The following WDR47 variants were observed in gnomAD, a reference collection of about 807,000 sequenced individuals.
The protein encoded by WDR47 is WD repeat-containing protein 47.
Under a neutral mutation model 97.2 loss-of-function variants are expected in WDR47, and 32 were observed. That is an observed-to-expected ratio of 0.33 (90% CI 0.25 to 0.44). The LOEUF is 0.44. Among genes scored for constraint, WDR47 ranks in the 20% least tolerant of loss-of-function variants. The probability of loss-of-function intolerance (pLI) is 1.00; values close to 1 mark genes in which losing one functional copy is unlikely to be tolerated. For missense variants in WDR47, 782 were observed against 1,102.3 expected, an observed-to-expected ratio of 0.71 and a Z score of 4.11; for synonymous variants, 375 against 373.5, an observed-to-expected ratio of 1.00 and a Z score of -0.05.
At chr1:109,023,579 ACTGCCTGG>A (rs1662001323) in intron 1 of WDR47, 58 bp from the exon 2 acceptor site, 2 of 1,532,420 alleles carry the variant, frequency 1.3e-6, no homozygotes, top group African/African-American at 2.7e-5. Flanking sequence ...TCTAAGTTTA[ACTGCCTGG>A]CAACTACACA....
rs758106899 is a variant in WDR47 at position 109,023,304 on chromosome 1, T to C, written c.158+51A>G. ...ATTATATATATTACCTTATTAATAC[T>C]TAACATTTCTTCGAAGGAGCTACAA... On this transcript the variant is annotated intron_variant, in intron 2 of 14. Coordinates refer to ENST00000369962, the MANE Select transcript of WDR47 (RefSeq NM_001142551.2). 1.9e-6 allele frequency: 3 copies of C among 1,571,552 alleles called. No homozygotes were observed. The South Asian group carries it at 3.5e-5, about 18-fold the overall frequency.
intron 1 of WDR47, among the ~76,000 whole-genome samples, chr1:109,026,050 C>CTTT (rs557580439): frequency 1.4e-5 from 2 of 145,080 alleles, no homozygotes; most frequent in East Asian, 2.0e-4. Flanking sequence ...TCACTAAATT[C>CTTT]TTTTTTTTTT....
At chr1:109,008,735 G>A (rs1328764771) in intron 5 of WDR47, among the ~76,000 whole-genome samples, 1 of 152,016 alleles carries the variant, frequency 6.6e-6, no homozygotes, top group Non-Finnish European at 1.5e-5. Context: ...AGCCTCCTGA[G>A]TAGCTGGGAC....
At chr1:109,011,785 A>G (rs899995566) in intron 4 of WDR47, 67 bp from the exon 5 acceptor site, 41 of 1,383,920 alleles carry the variant, frequency 3.0e-5, no homozygotes, top group African/African-American at 8.7e-5. Context: ...TGAAAACGAC[A>G]AGAGTACAAA....
chr1:109,036,572 C>T (rs1321689540), intron 1 of WDR47, among the ~76,000 whole-genome samples: 1 of 146,520 alleles, frequency 6.8e-6, no homozygotes, highest in African/African-American at 2.5e-5. Flanking sequence ...CGCGGTGGCT[C>T]ACACCTGTAA....
At chr1:109,009,925 G>A (rs1211312671) in intron 5 of WDR47, among the ~76,000 whole-genome samples, 1 of 151,926 alleles carries the variant, frequency 6.6e-6, no homozygotes, top group Non-Finnish European at 1.5e-5. Context: ...TTGAACCCGG[G>A]AGACGGAGGT....
intron 1 of WDR47, among the ~76,000 whole-genome samples, chr1:109,028,362 GTTTTTTT>G (rs372929187): frequency 8.8e-5 from 7 of 79,788 alleles, no homozygotes; most frequent in East Asian, 4.4e-4. Flanking sequence ...TTTTTGTTGG[GTTTTTTT>G]TTTTTTTTTT....
At chr1:109,022,463 A>G (rs771634611) in intron 2 of WDR47, among the ~76,000 whole-genome samples, 2 of 152,200 alleles carry the variant, frequency 1.3e-5, no homozygotes, top group Non-Finnish European at 2.9e-5. Context: ...TCTTAGTCAA[A>G]TATCTTTTAT....
intron 12 of WDR47, 131 bp downstream of exon 12, chr1:108,982,478 G>T (rs186804427): frequency 2.9e-5 from 31 of 1,084,100 alleles, no homozygotes; most frequent in East Asian, 2.6e-4. Flanking sequence ...GCCGCAGTGA[G>T]CTGTGATTGT....
chr1:109,018,535 C>T (rs185977282), intron 2 of WDR47, among the ~76,000 whole-genome samples: 2 of 152,058 alleles, frequency 1.3e-5, no homozygotes, highest in Admixed American at 1.3e-4. Context: ...GAACAAGTGG[C>T]TGGGCGCAGT....
rs1368425396 is a variant in WDR47 at position 109,032,037 on chromosome 1, A to G, written c.-9-8516T>C. Among the ~76,000 whole-genome samples the G allele has an allele frequency of 1.5e-5, 2 of 137,686 alleles. 1 individual carries two copies. Among genetic ancestry groups the G allele is most frequent in the Non-Finnish European group, 3.2e-5 (2 of 62,264 alleles). The allele number at this position is 137,686 out of a possible 152,430, so 90.3% of individuals were successfully genotyped here. A position where few individuals can be genotyped will look rare whatever the true frequency, so the allele number is the denominator to read the frequency against. On this transcript the variant is annotated intron_variant, in intron 1 of 14. Transcript: ENST00000369962. ...CTGGTCTCCCACTCCTAGGCTACAGATATCTGCCAGCCTCAGCCTCCTAAA... is the reference window on the plus strand; with the variant it reads ...CTGGTCTCCCACTCCTAGGCTACAGGTATCTGCCAGCCTCAGCCTCCTAAA...
At chr1:108,977,161 CT>C (rs889810199) in intron 13 of WDR47, among the ~76,000 whole-genome samples, 1 of 151,318 alleles carries the variant, frequency 6.6e-6, no homozygotes, top group Admixed American at 6.6e-5. Context: ...GGGTTTTTTT[CT>C]TTTTTTTGAG....
At chr1:109,005,205 C>G (rs1027093665) in intron 5 of WDR47, among the ~76,000 whole-genome samples, 1 of 151,756 alleles carries the variant, frequency 6.6e-6, no homozygotes, top group African/African-American at 2.4e-5. Context: ...AGTTCAAGAC[C>G]AACCTGGGTA....
chr1:108,997,528 G>A lies in WDR47; in HGVS notation c.1434-1691C>T, dbSNP rs1007097356. On this transcript the variant is annotated intron_variant, in intron 7 of 14. Coordinates refer to ENST00000369962, the MANE Select transcript of WDR47 (RefSeq NM_001142551.2). Reference sequence around the variant, plus strand: ...TCCCAGCACTTTGGGAGACCGAGGCGGGCGGATCACGAGGTCAGGAGATCG... The same window carrying A: ...TCCCAGCACTTTGGGAGACCGAGGCAGGCGGATCACGAGGTCAGGAGATCG... Among the ~76,000 whole-genome samples, 17 of 151,850 alleles carry A rather than the reference G, an allele frequency of 1.1e-4. 1 individual carries two copies. The highest frequency in any genetic ancestry group is 2.1e-4 in the South Asian group (1 of 4,820).
chr1:109,016,696 T>C (rs138701552), intron 3 of WDR47, among the ~76,000 whole-genome samples: 16 of 151,828 alleles, frequency 1.1e-4, no homozygotes, highest in African/African-American at 3.9e-4. Context: ...TGTATGAAAA[T>C]CAAACTTTTT....
chr1:109,033,829 G>A (rs1179576005), intron 1 of WDR47, among the ~76,000 whole-genome samples: 2 of 152,260 alleles, frequency 1.3e-5, no homozygotes, highest in Non-Finnish European at 2.9e-5. Context: ...TGAGGCAGGA[G>A]AATTGCTTGA....
At chr1:109,009,771 G>A (rs978334841) in intron 5 of WDR47, among the ~76,000 whole-genome samples, 7 of 152,140 alleles carry the variant, frequency 4.6e-5, no homozygotes, top group African/African-American at 1.7e-4. Context: ...GCCGAGGCGG[G>A]TGGATCAGCT....
intron 2 of WDR47, among the ~76,000 whole-genome samples, 195 bp downstream of exon 2, chr1:109,023,160 G>A (rs1049799526): frequency 2.6e-5 from 4 of 151,904 alleles, no homozygotes; most frequent in South Asian, 2.1e-4. Context: ...CCGACATCTC[G>A]CCACTGCACT....
chr1:109,019,402 G>A (rs890511433), intron 2 of WDR47, among the ~76,000 whole-genome samples: 33 of 140,530 alleles, frequency 2.3e-4, no homozygotes, highest in Admixed American at 1.4e-3. Context: ...AAAAAAAAAA[G>A]CTGGGAGTGG....
Sources: allele counts gnomAD v4.1 joint callset (sites outside exome capture counted in the v4.1 genomes callset), GRCh38; gene constraint gnomAD v4.1.1; transcripts MANE v1.5; gene names NCBI Gene and HGNC (gene_info 2026-07-23, HGNC 2026-07-21).